XRN2: variants seen among roughly 807,000 people sequenced by gnomAD.
The protein encoded by XRN2 is DHM1-like protein.
In XRN2, 44 loss-of-function variants were observed where a neutral mutation model predicts 138.5. The ratio of observed to expected loss-of-function variants is 0.32; its 90% CI spans 0.25 to 0.41. XRN2 has a LOEUF of 0.41. Ranked by LOEUF, XRN2 falls within the 10% of genes least tolerant of loss-of-function variation. The probability of loss-of-function intolerance (pLI) is 1.00; values close to 1 mark genes in which losing one functional copy is unlikely to be tolerated. For synonymous variants in XRN2, 354 were observed against 369.4 expected (o/e 0.96, Z 0.48); for missense variants, 937 against 1,169.3 (o/e 0.80, Z 2.90).
At position 21,365,724 on chromosome 20, in the gene XRN2, C is replaced by T; in HGVS notation, c.2456+20C>T. On this transcript the variant is annotated intron_variant, in intron 26 of 29. Coordinates refer to ENST00000377191, the MANE Select transcript of XRN2 (RefSeq NM_012255.5). ...TTTGGGGTGAGTTGTCAGTTTTTAG[C>T]CCTTGTATATTTTGCTTTTTCTGAA... 2 of 1,586,094 alleles carry T rather than the reference C, an allele frequency of 1.3e-6. No individual in the cohort carries two copies. The highest frequency in any genetic ancestry group is 2.3e-5 in the East Asian group (1 of 43,972).
At chr20:21,337,787 A>T (rs1418489090) in intron 13 of XRN2, among the ~76,000 whole-genome samples, 1 of 152,200 alleles carries the variant, frequency 6.6e-6, no homozygotes, top group African/African-American at 2.4e-5. Context: ...GGAGTTGAGG[A>T]ACAAAGACAC....
At chr20:21,320,279 G>GTATTTATGTATT (rs2038019985) in intron 1 of XRN2, among the ~76,000 whole-genome samples, 6 of 88,700 alleles carry the variant, frequency 6.8e-5, no homozygotes, top group African/African-American at 1.5e-4. Context: ...ATTTATTTAT[G>GTATTTATGTATT]TATTTATTTA....
intron 13 of XRN2, among the ~76,000 whole-genome samples, chr20:21,335,824 G>A (rs1056291471): frequency 2.6e-5 from 4 of 152,196 alleles, no homozygotes; most frequent in Non-Finnish European, 4.4e-5. Context: ...ACACCATAGT[G>A]TTACAGATTT....
At chr20:21,361,183 A>T (rs2038633322) in intron 24 of XRN2, among the ~76,000 whole-genome samples, 1 of 152,254 alleles carries the variant, frequency 6.6e-6, no homozygotes. Context: ...TCTTCTTACC[A>T]GCAGTGCTGA....
chr20:21,366,057 T>TAAC (rs2038694883), intron 26 of XRN2, among the ~76,000 whole-genome samples: 1 of 113,820 alleles, frequency 8.8e-6, no homozygotes, highest in Non-Finnish European at 1.7e-5. Flanking sequence ...GTTTATATAA[T>TAAC]ATATATAAAT....
chr20:21,353,222 GGATATATA>G (rs2038532640), intron 20 of XRN2, among the ~76,000 whole-genome samples: 1 of 106,020 alleles, frequency 9.4e-6, no homozygotes, highest in Non-Finnish European at 1.9e-5. Context: ...GTAGTGGGTA[GGATATATA>G]TATATATATA....
intron 13 of XRN2, among the ~76,000 whole-genome samples, chr20:21,337,947 A>G (rs1259563819): frequency 1.3e-5 from 2 of 152,136 alleles, no homozygotes. Context: ...TACACAAGAG[A>G]CGTTTCATTG....
intron 20 of XRN2, among the ~76,000 whole-genome samples, chr20:21,353,211 TGTA>T (rs1240110534): frequency 4.9e-5 from 7 of 142,776 alleles, no homozygotes; most frequent in Admixed American, 4.3e-4. Flanking sequence ...TATAAATAAA[TGTA>T]GTGGGTAGGA....
chr20:21,315,433 T>C (rs2037945026), intron 1 of XRN2, among the ~76,000 whole-genome samples: 1 of 152,362 alleles, frequency 6.6e-6, no homozygotes, highest in Middle Eastern at 3.4e-3. Context: ...CATCTTTTCA[T>C]GTGCTTACTG....
At chr20:21,304,849 C>T (rs2037793432) in intron 1 of XRN2, among the ~76,000 whole-genome samples, 1 of 152,192 alleles carries the variant, frequency 6.6e-6, no homozygotes, top group Non-Finnish European at 1.5e-5. Context: ...TCAAGTTTGT[C>T]AGCTGTACTT....
intron 26 of XRN2, among the ~76,000 whole-genome samples, chr20:21,367,674 G>A (rs964329677): frequency 6.6e-6 from 1 of 152,098 alleles, no homozygotes; most frequent in Non-Finnish European, 1.5e-5. Flanking sequence ...TCTGTCAAGC[G>A]CTTAGGGTAG....
intron 29 of XRN2, 120 bp downstream of exon 29, chr20:21,387,126 C>A: frequency 1.5e-6 from 2 of 1,322,500 alleles, no homozygotes; most frequent in Non-Finnish European, 2.0e-6. Context: ...CTTAGAGTAG[C>A]TTGGCTGAAC....
At chr20:21,319,837 C>G (rs2038012932) in intron 1 of XRN2, among the ~76,000 whole-genome samples, 2 of 152,144 alleles carry the variant, frequency 1.3e-5, no homozygotes, top group African/African-American at 4.8e-5. Context: ...TTTCCATCCA[C>G]CCCTTTTTGC....
chr20:21,377,442 A>G (rs186105117), intron 27 of XRN2, among the ~76,000 whole-genome samples: 1 of 151,148 alleles, frequency 6.6e-6, no homozygotes, highest in East Asian at 1.9e-4. Context: ...TTTTTAGTAG[A>G]GTCAGGGTTT....
chr20:21,357,772 G>A lies in XRN2; in HGVS notation c.2235G>A (p.Leu745=), dbSNP rs1454849830. ...VCSPVPMLRD[L]TQNTVVSINF... The stretch of plus-strand genomic sequence containing the variant: ...CTCCTGTTCCTATGTTAAGGGATCT[G>A]ACACAGAACACTGTAGTCAGGTAAG... Residue 745 remains leucine, a synonymous_variant, in exon 24 of 30, where the codon CTG becomes CTA. Coordinates refer to ENST00000377191, the MANE Select transcript of XRN2 (RefSeq NM_012255.5). 6.3e-7 allele frequency: 1 copy of A among 1,599,242 alleles called. No homozygotes were observed. Among genetic ancestry groups the A allele is most frequent in the African/African-American group, 1.3e-5 (1 of 74,694 alleles).
In XRN2 at chr20:21,326,501, A is replaced by G. The variant is rs778322865; in HGVS notation, c.215A>G (p.Lys72Arg). ...GGTTGTCATTATAGACCAGCACCAAAAAATGAAGATGAAATGATGGTTGCA... is the reference window on the plus strand; with the variant it reads ...GGTTGTCATTATAGACCAGCACCAAGAAATGAAGATGAAATGATGGTTGCA... ...CTHPEDKPAPKNEDEMMVAIF... is the reference protein window; with the variant it reads ...CTHPEDKPAPRNEDEMMVAIF... The change falls in exon 3 of 30, where the codon AAA becomes AGA. Residue 72 changes from lysine to arginine, a missense_variant. By Grantham distance (26) the Lys-to-Arg change is conservative. Coordinates refer to ENST00000377191, the MANE Select transcript of XRN2 (RefSeq NM_012255.5). The G allele has an allele frequency of 3.7e-6, 6 of 1,613,980 alleles. No homozygotes were observed. Among genetic ancestry groups the G allele is most frequent in the Non-Finnish European group, 5.1e-6 (6 of 1,179,992 alleles).
At chr20:21,333,430 T>C in intron 9 of XRN2, 114 bp from the exon 10 acceptor site, 1 of 1,063,072 alleles carries the variant, frequency 9.4e-7, no homozygotes, top group Non-Finnish European at 1.4e-6. Flanking sequence ...AAAAATTAAA[T>C]ACTTGTGATA....
intron 1 of XRN2, among the ~76,000 whole-genome samples, chr20:21,320,264 CATTTATTTATTTATGT>C (rs1234499717): frequency 0.013 from 1,065 of 79,030 alleles, 10 homozygotes; most frequent in African/African-American, 0.041. Flanking sequence ...CTATTGGCAT[CATTTATTTATTTATGT>C]ATTTATTTAT....
intron 20 of XRN2, among the ~76,000 whole-genome samples, chr20:21,352,723 A>G (rs1346173539): frequency 2.6e-5 from 4 of 152,180 alleles, no homozygotes; most frequent in African/African-American, 9.7e-5. Flanking sequence ...TGTATATTTT[A>G]TATATGAATA....
Sources: gnomAD v4.1 joint callset for allele counts (sites outside exome capture counted in the v4.1 genomes callset) on GRCh38, gnomAD v4.1.1 for gene constraint, MANE v1.5 for transcripts, NCBI Gene and HGNC (gene_info 2026-07-23, HGNC 2026-07-21) for gene names.